WDPCP: variants seen among roughly 807,000 people sequenced by gnomAD.
The protein encoded by WDPCP is WD repeat-containing and planar cell polarity effector protein fritz homolog.
In WDPCP, 71 loss-of-function variants were observed where a neutral mutation model predicts 93.1. That is an observed-to-expected ratio of 0.76 (90% CI 0.63 to 0.93). The LOEUF (loss-of-function observed/expected upper bound fraction) is 0.93. Ranked by LOEUF, WDPCP falls within the 40% of genes least tolerant of loss-of-function variation. The probability of loss-of-function intolerance (pLI) is 0.00; values close to 1 mark genes in which losing one functional copy is unlikely to be tolerated. For synonymous variants in WDPCP, 315 were observed against 315.0 expected, an observed-to-expected ratio of 1.00 and a Z score of 0.00; for missense variants, 844 against 887.4, an observed-to-expected ratio of 0.95 and a Z score of 0.62.
At chr2:63,125,810 C>T (rs776898198) in intron 17 of WDPCP, among the ~76,000 whole-genome samples, 9 of 152,066 alleles carry the variant, frequency 5.9e-5, no homozygotes, top group Non-Finnish European at 7.4e-5. Flanking sequence ...GGGGTTTTCC[C>T]GTGTTGGCCG....
chr2:63,209,063 TCC>T (rs1334231570), intron 14 of WDPCP, among the ~76,000 whole-genome samples: 1 of 152,130 alleles, frequency 6.6e-6, no homozygotes, highest in Non-Finnish European at 1.5e-5. Context: ...CTTTCTACTC[TCC>T]CCATACTGGG....
At chr2:63,233,362 A>G (rs1391875680) in intron 14 of WDPCP, 2 of 275,418 alleles carry the variant, frequency 7.3e-6, no homozygotes, top group Non-Finnish European at 1.4e-5. Context: ...TCAGCAAAAG[A>G]TGGAACCATA....
At chr2:63,621,877 C>CTT (rs35631693) in intron 3 of WDPCP, among the ~76,000 whole-genome samples, 3 of 149,038 alleles carry the variant, frequency 2.0e-5, no homozygotes, top group African/African-American at 7.4e-5. Flanking sequence ...ATTCAACATT[C>CTT]TTTTTTTTTT....
intron 6 of WDPCP, among the ~76,000 whole-genome samples, chr2:63,445,800 A>G (rs1015550910): frequency 6.6e-6 from 1 of 151,866 alleles, no homozygotes. Context: ...GGCAAATCAG[A>G]TAACACTTTT....
At chr2:63,740,809 T>C (rs1669701846) in intron 2 of WDPCP, among the ~76,000 whole-genome samples, 1 of 152,146 alleles carries the variant, frequency 6.6e-6, no homozygotes, top group Non-Finnish European at 1.5e-5. Context: ...TTTGTCCATT[T>C]GCTGCTCCTA....
chr2:63,804,479 T>C (rs1474846125), intron 2 of WDPCP, among the ~76,000 whole-genome samples: 1 of 151,450 alleles, frequency 6.6e-6, no homozygotes, highest in Admixed American at 6.6e-5. Context: ...ATGGTCTGGA[T>C]CTCCTGACCT....
upstream of WDPCP, among the ~76,000 whole-genome samples, chr2:63,831,103 C>T (rs1157832690): frequency 6.6e-6 from 1 of 152,088 alleles, no homozygotes; most frequent in Non-Finnish European, 1.5e-5. Context: ...CTTTTCATTC[C>T]CTCCTCCTAA....
At chr2:63,690,927 G>A (rs1397518120) in intron 2 of WDPCP, among the ~76,000 whole-genome samples, 2 of 152,088 alleles carry the variant, frequency 1.3e-5, no homozygotes, top group Non-Finnish European at 2.9e-5. Context: ...AATTACATAG[G>A]GGAATGCCAT....
chr2:63,352,553 T>A (rs1689710039), intron 12 of WDPCP, among the ~76,000 whole-genome samples: 1 of 152,308 alleles, frequency 6.6e-6, no homozygotes, highest in East Asian at 1.9e-4. Flanking sequence ...AACTGAATCA[T>A]GGGATGAATG....
At chr2:63,792,601 A>G (rs1670560090) in intron 2 of WDPCP, among the ~76,000 whole-genome samples, 1 of 152,188 alleles carries the variant, frequency 6.6e-6, no homozygotes, top group Non-Finnish European at 1.5e-5. Context: ...GCTGATTAGG[A>G]GAAAAGAGGG....
intron 2 of WDPCP, among the ~76,000 whole-genome samples, chr2:63,725,245 G>A (rs1163129199): frequency 6.6e-6 from 1 of 152,084 alleles, no homozygotes; most frequent in African/African-American, 2.4e-5. Flanking sequence ...TGTTCCCTTA[G>A]TGTCCATGTG....
intron 13 of WDPCP, among the ~76,000 whole-genome samples, chr2:63,271,805 C>T (rs1356131211): frequency 3.9e-5 from 6 of 152,194 alleles, no homozygotes; most frequent in African/African-American, 7.2e-5. Flanking sequence ...CCCACCCCGC[C>T]TGCTGCCACT....
At chr2:63,346,739 C>T (rs973579100) in intron 12 of WDPCP, among the ~76,000 whole-genome samples, 2 of 152,152 alleles carry the variant, frequency 1.3e-5, no homozygotes, top group Non-Finnish European at 2.9e-5. Flanking sequence ...AGTACACAAA[C>T]CTGCAAATTC....
chr2:63,437,495 TA>T lies in WDPCP; in HGVS notation c.558del (p.Phe186LeufsTer13). The T allele has an allele frequency of 6.2e-7, 1 of 1,600,418 alleles. No homozygotes were observed. The highest frequency in any genetic ancestry group is 8.5e-7 in the Non-Finnish European group (1 of 1,174,288). Reference protein sequence around the residue: ...LSFLAQNKLCFIQFTKKMESS... With the variant: ...LSFLAQNKLCXIQFTKKMESS... The stretch of plus-strand genomic sequence containing the variant: ...GACTCCATCTTCTTGGTAAACTGAA[TA>T]AAACATAGTTTGTTTTGTGCCAAAA... On this transcript the variant is annotated frameshift_variant, in exon 8 of 18. Transcript: ENST00000272321. LOFTEE classifies it high-confidence loss of function.
chr2:63,256,886 A>G (rs1681197535), intron 14 of WDPCP, among the ~76,000 whole-genome samples: 1 of 152,156 alleles, frequency 6.6e-6, no homozygotes, highest in Non-Finnish European at 1.5e-5. Flanking sequence ...TTAGTCTATA[A>G]TGTTACAAAT....
upstream of WDPCP, chr2:63,589,470 ACCTTG>A: frequency 7.5e-7 from 1 of 1,340,526 alleles, no homozygotes; most frequent in Admixed American, 2.0e-5. Flanking sequence ...TGTCACAGGG[ACCTTG>A]AAAGCAAAAA....
At chr2:63,252,244 G>A (rs1371196216) in intron 14 of WDPCP, among the ~76,000 whole-genome samples, 2 of 152,030 alleles carry the variant, frequency 1.3e-5, no homozygotes, top group African/African-American at 4.8e-5. Context: ...CATCCTCCTT[G>A]ATAAAAAACC....
At chr2:63,613,550 C>A (rs1709641117) in intron 3 of WDPCP, among the ~76,000 whole-genome samples, 2 of 152,214 alleles carry the variant, frequency 1.3e-5, no homozygotes, top group South Asian at 4.1e-4. Context: ...GCAGTACAGG[C>A]ACAGTCCTCC....
At chr2:63,139,078 TG>T in intron 17 of WDPCP, among the ~76,000 whole-genome samples, 1 of 152,306 alleles carries the variant, frequency 6.6e-6, no homozygotes, top group African/African-American at 2.4e-5. Context: ...TGTATGTATG[TG>T]TGTGTATATA....
Sources: gnomAD v4.1 joint callset for allele counts (sites outside exome capture counted in the v4.1 genomes callset) on GRCh38, gnomAD v4.1.1 for gene constraint, MANE v1.5 for transcripts, NCBI Gene and HGNC (gene_info 2026-07-23, HGNC 2026-07-21) for gene names.